Variants in ANTXR1 observed in about 807,000 individuals in gnomAD.
ANTXR1 encodes ANTXR cell adhesion molecule 1.
Under a neutral mutation model 78.1 loss-of-function variants are expected in ANTXR1, and 19 were observed. That is an observed-to-expected ratio of 0.24 (90% CI 0.17 to 0.36). The LOEUF (loss-of-function observed/expected upper bound fraction) is 0.36, where lower values mean the gene tolerates loss of function less well. Among genes scored for constraint, ANTXR1 ranks in the 10% least tolerant of loss-of-function variants. The pLI is 1.00. For missense variants in ANTXR1, 518 were observed against 718.6 expected, an observed-to-expected ratio of 0.72 and a Z score of 3.19; for synonymous variants, 273 against 260.5, an observed-to-expected ratio of 1.05 and a Z score of -0.46.
At chr2:69,245,143 C>A in intron 17 of ANTXR1, 82 bp from the exon 18 acceptor site, 1 of 1,553,394 alleles carries the variant, frequency 6.4e-7, no homozygotes, top group Non-Finnish European at 8.9e-7. Context: ...CCACATATTG[C>A]TTGCAAGCCG....
chr2:69,117,925 G>A (rs1276601328), intron 10 of ANTXR1, among the ~76,000 whole-genome samples: 2 of 152,174 alleles, frequency 1.3e-5, no homozygotes, highest in African/African-American at 4.8e-5. Context: ...TAGCTCCCAA[G>A]TCTGGGGCGT....
intron 3 of ANTXR1, 92 bp downstream of exon 3, chr2:69,044,905 A>G (rs1669718034): frequency 1.6e-6 from 2 of 1,248,452 alleles, no homozygotes; most frequent in Non-Finnish European, 2.3e-6. Flanking sequence ...TGACCTGTTG[A>G]TCACTTTAAT....
chr2:69,147,684 G>T (rs536704156), intron 12 of ANTXR1, among the ~76,000 whole-genome samples: 4 of 152,322 alleles, frequency 2.6e-5, no homozygotes, highest in Admixed American at 6.5e-5. Flanking sequence ...GGGGGTCAAG[G>T]TTCTAAAATT....
At chr2:69,165,316 G>A (rs1057364704) in intron 13 of ANTXR1, among the ~76,000 whole-genome samples, 25 of 152,328 alleles carry the variant, frequency 1.6e-4, no homozygotes, top group African/African-American at 5.3e-4. Context: ...CCAGCCCTTC[G>A]GCAGAGAGGA....
At position 69,013,900 on chromosome 2, in the gene ANTXR1, G is replaced by A. The variant is rs1450673286; in HGVS notation, c.152+249G>A. Among the ~76,000 whole-genome samples, 1 of 152,210 alleles carries A rather than the reference G, an allele frequency of 6.6e-6. No homozygotes were observed. The highest frequency in any genetic ancestry group is 1.9e-4 in the East Asian group (1 of 5,190). Reference sequence around the variant, plus strand: ...AGGGGACAGACTTCTTTTCTGTCTTGCTTTCTGTGTCCCAGGAGCAGGCAA... The same window carrying A: ...AGGGGACAGACTTCTTTTCTGTCTTACTTTCTGTGTCCCAGGAGCAGGCAA... On this transcript the variant is annotated intron_variant, in intron 1 of 17. Transcript: ENST00000303714. This position sits in a 1 kb window ranked among gnomAD's most constrained non-coding sequence, Gnocchi z 5.0.
intron 12 of ANTXR1, among the ~76,000 whole-genome samples, chr2:69,134,654 T>G (rs2104403663): frequency 6.6e-6 from 1 of 152,328 alleles, no homozygotes. Context: ...TCCTATACAG[T>G]ATCACAAATA....
intron 12 of ANTXR1, among the ~76,000 whole-genome samples, chr2:69,140,406 A>G (rs1673037498): frequency 6.6e-6 from 1 of 152,236 alleles, no homozygotes; most frequent in Non-Finnish European, 1.5e-5. Context: ...CACTATTCCA[A>G]ATATATTCTG....
intron 4 of ANTXR1, among the ~76,000 whole-genome samples, 153 bp downstream of exon 4, chr2:69,070,881 C>A (rs4306745): frequency 2.8e-4 from 42 of 152,140 alleles, no homozygotes; most frequent in Middle Eastern, 3.4e-3. Context: ...TGTACACTGA[C>A]CACTCTAGCC....
At chr2:69,054,634 G>C (rs1418964746) in intron 3 of ANTXR1, among the ~76,000 whole-genome samples, 1 of 152,134 alleles carries the variant, frequency 6.6e-6, no homozygotes, top group Admixed American at 6.5e-5. Context: ...GTCATCCTTT[G>C]GTTTGGTTGA....
At chr2:69,076,883 T>A (rs947251237) in intron 7 of ANTXR1, among the ~76,000 whole-genome samples, 2 of 152,198 alleles carry the variant, frequency 1.3e-5, no homozygotes, top group Non-Finnish European at 2.9e-5. Flanking sequence ...CTCCTGGCCC[T>A]CAGTTTCCTG....
intron 2 of ANTXR1, among the ~76,000 whole-genome samples, chr2:69,041,459 C>G (rs1009521776): frequency 2.0e-5 from 3 of 152,186 alleles, no homozygotes; most frequent in African/African-American, 7.2e-5. Context: ...AGTAACTGCT[C>G]TGTGTCTCAT....
chr2:69,237,415 C>T lies in ANTXR1; in HGVS notation c.1435-7810C>T, dbSNP rs891740777. Among the ~76,000 whole-genome samples, 48 of 152,166 alleles carry T rather than the reference C, an allele frequency of 3.2e-4. 1 individual carries two copies. Among genetic ancestry groups the T allele is most frequent in the South Asian group, 2.1e-4 (1 of 4,832 alleles). Reference sequence around the variant, plus strand: ...CTCACAACACACCCTTCTCTTTGCCCGTGGCTCCAGCTTTGGGGAAGGGGA... The same window carrying T: ...CTCACAACACACCCTTCTCTTTGCCTGTGGCTCCAGCTTTGGGGAAGGGGA... On this transcript the variant is annotated intron_variant, in intron 17 of 17. Coordinates refer to ENST00000303714, the MANE Select transcript of ANTXR1 (RefSeq NM_032208.3).
At chr2:69,105,807 G>T (rs1168614487) in intron 10 of ANTXR1, among the ~76,000 whole-genome samples, 6 of 152,084 alleles carry the variant, frequency 3.9e-5, no homozygotes, top group African/African-American at 1.4e-4. Flanking sequence ...GAACATAAGT[G>T]CCATTATTAA....
At chr2:69,052,761 A>C (rs1165728016) in intron 3 of ANTXR1, among the ~76,000 whole-genome samples, 1 of 152,086 alleles carries the variant, frequency 6.6e-6, no homozygotes, top group Non-Finnish European at 1.5e-5. Flanking sequence ...TTTATATTCT[A>C]AGTATAATTT....
chr2:69,108,273 G>A (rs745529055), intron 10 of ANTXR1, among the ~76,000 whole-genome samples: 10 of 152,102 alleles, frequency 6.6e-5, no homozygotes, highest in African/African-American at 9.7e-5. Context: ...AAACGTCATT[G>A]CTCTAAAATA....
At chr2:69,108,612 C>A (rs1340614876) in intron 10 of ANTXR1, among the ~76,000 whole-genome samples, 2 of 152,068 alleles carry the variant, frequency 1.3e-5, no homozygotes, top group East Asian at 3.8e-4. Context: ...GATCTTCTCT[C>A]TCCTCTCACC....
At chr2:69,057,154 T>G (rs1670093971) in intron 3 of ANTXR1, among the ~76,000 whole-genome samples, 1 of 152,218 alleles carries the variant, frequency 6.6e-6, no homozygotes, top group South Asian at 2.1e-4. Context: ...ACATACCACC[T>G]GTACTTACCT....
At chr2:69,060,209 C>A (rs1670192779) in intron 3 of ANTXR1, among the ~76,000 whole-genome samples, 3 of 152,062 alleles carry the variant, frequency 2.0e-5, no homozygotes, top group Non-Finnish European at 2.9e-5. Flanking sequence ...CTCTTTTGTT[C>A]CCAGTTCAAA....
chr2:69,096,299 A>G lies in ANTXR1; in HGVS notation c.703+5380A>G, dbSNP rs1292629340. On this transcript the variant is annotated intron_variant, in intron 9 of 17. Coordinates refer to ENST00000303714, the MANE Select transcript of ANTXR1 (RefSeq NM_032208.3). ...AAGGAAGGAAGGAAGGGAGGAAGGG[A>G]GGAAGGGAGGAAGGGAGGAAGGGAG... Among the ~76,000 whole-genome samples the G allele has an allele frequency of 6.5e-4, 2 of 3,086 alleles. 1 individual carries two copies. Among genetic ancestry groups the G allele is most frequent in the East Asian group, 0.043 (2 of 46 alleles). The allele number at this position is 3,086 out of a possible 152,430, so 2.0% of individuals were successfully genotyped here. A position where few individuals can be genotyped will look rare whatever the true frequency, so the allele number is the denominator to read the frequency against.
Sources: gnomAD v4.1 joint callset for allele counts (sites outside exome capture counted in the v4.1 genomes callset) on GRCh38, gnomAD v4.1.1 for gene constraint, Gnocchi (gnomAD v3.1) non-coding constraint, MANE v1.5 for transcripts, NCBI Gene and HGNC (gene_info 2026-07-23, HGNC 2026-07-21) for gene names.